LMLN: variants seen among roughly 807,000 people sequenced by gnomAD.
LMLN encodes the protein leishmanolysin-like peptidase.
A neutral mutation model predicts 92.3 loss-of-function variants in LMLN; 70 were observed. That is an observed-to-expected ratio of 0.76 (90% confidence interval 0.63 to 0.92). The LOEUF is 0.92. Among genes scored for constraint, LMLN ranks in the 40% least tolerant of loss-of-function variants. The probability of loss-of-function intolerance (pLI) is 0.00; values close to 1 mark genes in which losing one functional copy is unlikely to be tolerated. For synonymous variants in LMLN, 308 were observed against 296.2 expected (o/e 1.04, Z -0.41); for missense variants, 691 against 814.6 (o/e 0.85, Z 1.85).
intron 6 of LMLN, among the ~76,000 whole-genome samples, chr3:197,983,254 T>A (rs550268881): frequency 1.3e-5 from 2 of 152,336 alleles, no homozygotes; most frequent in South Asian, 4.1e-4. Context: ...GTAGGAGAAC[T>A]GAGCTTGGGG....
intron 5 of LMLN, among the ~76,000 whole-genome samples, chr3:197,977,829 A>G (rs1306974386): frequency 6.6e-6 from 1 of 152,194 alleles, no homozygotes; most frequent in Non-Finnish European, 1.5e-5. Context: ...ACAGTCTGGA[A>G]GTACACACAC....
chr3:198,024,733 T>C (rs1024861205), exon 14 of LMLN: 7 of 1,612,386 alleles, frequency 4.3e-6, no homozygotes, highest in Admixed American at 1.7e-5. Context: ...GCATTCGTTA[T>C]GGAGAAGTGT....
rs1723423617 is a variant in LMLN, at chr3:198,042,145, CTCA to C, written c.*3483_*3485del. On this transcript the variant is annotated 3_prime_UTR_variant, in exon 16 of 16. Coordinates refer to ENST00000330198, the Ensembl canonical transcript of LMLN. The surrounding 1 kb of genome is among the most constrained non-coding windows in gnomAD (Gnocchi z 4.2). ...TCAGTAAGGCTTGAATATGATTTTACTCATCATTGATTCTGCATAGTGTACCCA... is the reference window on the plus strand; with the variant it reads ...TCAGTAAGGCTTGAATATGATTTTACTCATTGATTCTGCATAGTGTACCCA... 3.9e-5 allele frequency: 6 copies of C among 152,232 alleles called. No individual in the cohort carries two copies. The South Asian group carries it at 8.3e-4, about 21-fold the overall frequency. 9.4% of individuals were successfully genotyped at this position (152,232 alleles called of 1,614,324 possible). A position where few individuals can be genotyped will look rare whatever the true frequency, so the allele number is the denominator to read the frequency against.
At chr3:197,991,831 C>T (rs886568016) in intron 9 of LMLN, among the ~76,000 whole-genome samples, 10 of 151,652 alleles carry the variant, frequency 6.6e-5, no homozygotes, top group Non-Finnish European at 1.5e-4. Context: ...ACAGATAGAA[C>T]CCAATGAGCA....
intron 14 of LMLN, among the ~76,000 whole-genome samples, chr3:198,027,138 G>A (rs1470653950): frequency 6.6e-6 from 1 of 152,010 alleles, no homozygotes; most frequent in Non-Finnish European, 1.5e-5. Flanking sequence ...AAGTCCAGCT[G>A]CTGTCATCTC....
At position 197,976,302 on chromosome 3, in the gene LMLN, T is replaced by C. The variant is rs1266459514; in HGVS notation, c.431+191T>C. 1.8e-5 allele frequency: 9 copies of C among 497,368 alleles called. No individual in the cohort carries two copies. The East Asian group carries it at 2.0e-4, about 11-fold the overall frequency. The allele number at this position is 497,368 out of a possible 1,614,324, so 30.8% of individuals were successfully genotyped here. On this transcript the variant is annotated intron_variant, in intron 4 of 15. Coordinates refer to ENST00000330198, the Ensembl canonical transcript of LMLN. ...TAATCATTCTTTCCCTGACCTTTCA[T>C]TGTGAGATGGTCTACTGAATTTTTT...
intron 8 of LMLN, among the ~76,000 whole-genome samples, chr3:197,988,738 G>A (rs2109879842): frequency 6.6e-6 from 1 of 152,158 alleles, no homozygotes; most frequent in African/African-American, 2.4e-5. Flanking sequence ...CTGGAGTGCT[G>A]TGGCGCGATC....
At chr3:197,979,605 C>G (rs1721499967) in intron 5 of LMLN, among the ~76,000 whole-genome samples, 1 of 152,114 alleles carries the variant, frequency 6.6e-6, no homozygotes, top group South Asian at 2.1e-4. Flanking sequence ...ATCACAAGTT[C>G]AGGAGTTCGA....
intron 11 of LMLN, among the ~76,000 whole-genome samples, chr3:198,013,554 AACTAGT>A (rs1333280068): frequency 7.8e-6 from 1 of 128,466 alleles, no homozygotes; most frequent in Admixed American, 7.1e-5. Context: ...AAAGCCTCCT[AACTAGT>A]CTGACTTCTC....
At position 198,036,006 on chromosome 3, in the gene LMLN, T is replaced by G. The variant is rs372125520; in HGVS notation, c.1830T>G (p.Asp610Glu). The G allele has an allele frequency of 6.8e-6, 11 of 1,613,672 alleles. No individual in the cohort carries two copies. The African/African-American group carries it at 1.3e-4, about 20-fold the overall frequency. ...GTGAGCTCTGTCCTCCAGAAACAGA[T>G]CCTCCAGCCACTAACCTGACCCGAG... The change falls in exon 15 of 16, where the codon GAT becomes GAG. Residue 610 changes from aspartate (D) to glutamate (E), a missense_variant. This residue lies in a region of LMLN where 352 missense variants were observed against 443.6 expected (regional missense o/e 0.79). Transcript: ENST00000330198.
At chr3:197,990,224 A>C (rs1721827498) in intron 8 of LMLN, among the ~76,000 whole-genome samples, 1 of 151,862 alleles carries the variant, frequency 6.6e-6, no homozygotes, top group South Asian at 2.1e-4. Context: ...TACTGCGCCC[A>C]GCTAATTTTT....
At chr3:197,990,933 C>T (rs1340016289) in intron 9 of LMLN, among the ~76,000 whole-genome samples, 1 of 152,098 alleles carries the variant, frequency 6.6e-6, no homozygotes, top group Non-Finnish European at 1.5e-5. Flanking sequence ...CTTAGGACCA[C>T]TGGTACTATT....
chr3:198,035,432 G>A (rs1236508966), intron 14 of LMLN, among the ~76,000 whole-genome samples: 5 of 137,988 alleles, frequency 3.6e-5, no homozygotes, highest in Non-Finnish European at 7.5e-5. Flanking sequence ...GCATGATCTC[G>A]GCTCACTGCA....
intron 1 of LMLN, among the ~76,000 whole-genome samples, chr3:197,966,956 G>C (rs1042879666): frequency 6.6e-6 from 1 of 151,938 alleles, no homozygotes; most frequent in East Asian, 1.9e-4. Context: ...ACCACACCTG[G>C]TTCATTTATT....
intron 15 of LMLN, among the ~76,000 whole-genome samples, chr3:198,036,818 C>T (rs1723247547): frequency 6.6e-6 from 1 of 152,120 alleles, no homozygotes. Context: ...ATTTTTATGG[C>T]AGTTTGACAT....
At chr3:197,995,658 T>C (rs1256508297) in intron 9 of LMLN, among the ~76,000 whole-genome samples, 2 of 152,034 alleles carry the variant, frequency 1.3e-5, no homozygotes, top group East Asian at 3.9e-4. Context: ...TTTTTTGAGA[T>C]CTATTGCACA....
chr3:197,967,389 C>T (rs1239117066), intron 1 of LMLN, among the ~76,000 whole-genome samples: 2 of 152,100 alleles, frequency 1.3e-5, no homozygotes, highest in East Asian at 1.9e-4. Context: ...CCGTGATGCC[C>T]GCCTGAGCCG....
At chr3:197,970,690 A>G (rs772958960) in intron 1 of LMLN, among the ~76,000 whole-genome samples, 1 of 152,216 alleles carries the variant, frequency 6.6e-6, no homozygotes, top group Non-Finnish European at 1.5e-5. Context: ...TTTAGACACA[A>G]TGAGCCATCC....
chr3:198,009,344 T>G (rs1345371657), intron 11 of LMLN, among the ~76,000 whole-genome samples: 5 of 152,224 alleles, frequency 3.3e-5, no homozygotes, highest in Non-Finnish European at 7.3e-5. Context: ...TTAGGATTGT[T>G]ATATTTTCAT....
Sources: allele counts gnomAD v4.1 joint callset (sites outside exome capture counted in the v4.1 genomes callset), GRCh38; gene constraint gnomAD v4.1.1; regional missense constraint gnomAD v4.1.1; non-coding constraint Gnocchi (gnomAD v3.1); transcripts MANE v1.5; gene names NCBI Gene and HGNC (gene_info 2026-07-23, HGNC 2026-07-21).